The following STPG2 variants were observed in gnomAD, a reference collection of about 807,000 sequenced individuals.
STPG2 encodes sperm tail PG-rich repeat containing 2.
In STPG2, 56 loss-of-function variants were observed where a neutral mutation model predicts 54.2. That is an observed-to-expected ratio of 1.03 (90% CI 0.83 to 1.29). The LOEUF is 1.29. Among genes scored for constraint, STPG2 ranks in the 50% most tolerant of loss-of-function variants. The pLI is 0.00. For missense variants in STPG2, 596 were observed against 544.9 expected, an observed-to-expected ratio of 1.09 and a Z score of -0.93; for synonymous variants, 200 against 181.8, an observed-to-expected ratio of 1.10 and a Z score of -0.81.
chr4:97,746,036 T>C (rs1205116264), intron 9 of STPG2, among the ~76,000 whole-genome samples: 1 of 151,280 alleles, frequency 6.6e-6, no homozygotes, highest in Non-Finnish European at 1.5e-5. Flanking sequence ...CAATAGCTGA[T>C]TTCTGTGTAA....
chr4:97,459,430 GTTTTTTTTTGT>G lies in STPG2; in HGVS notation c.462+253258_462+253268del, dbSNP rs1430538621. Among the ~76,000 whole-genome samples the G allele has an allele frequency of 1.8e-3, 246 of 134,888 alleles. 1 individual carries two copies. The highest frequency in any genetic ancestry group is 6.6e-3 in the African/African-American group (237 of 35,898). The allele number at this position is 134,888 out of a possible 152,430, so 88.5% of individuals were successfully genotyped here. A position where few individuals can be genotyped will look rare whatever the true frequency, so the allele number is the denominator to read the frequency against. ...GTATCATGCAATTCAAAGGATGCCT[GTTTTTTTTTGT>G]TTTTTTTTTTTTTTTTGAGACAGAG... is the stretch of plus-strand genomic sequence containing the variant. On this transcript the variant is annotated intron_variant, in intron 4 of 4. Coordinates refer to the STPG2 transcript ENST00000522676.
chr4:97,739,306 A>G (rs1036401007), intron 9 of STPG2, among the ~76,000 whole-genome samples: 6 of 152,196 alleles, frequency 3.9e-5, no homozygotes, highest in Non-Finnish European at 7.3e-5. Flanking sequence ...TAAAAGAACT[A>G]GAAAAGCAAG....
chr4:97,540,567 TC>T (rs1399876561), intron 4 of STPG2, among the ~76,000 whole-genome samples: 4 of 152,144 alleles, frequency 2.6e-5, no homozygotes, highest in Non-Finnish European at 4.4e-5. Flanking sequence ...CTGGTACCAT[TC>T]CTTCTGAAAC....
At chr4:97,443,809 C>T (rs1729150383) in intron 4 of STPG2, among the ~76,000 whole-genome samples, 2 of 152,064 alleles carry the variant, frequency 1.3e-5, no homozygotes, top group African/African-American at 4.8e-5. Flanking sequence ...TTTGATCAAA[C>T]TTACTAGGCA....
intron 9 of STPG2, among the ~76,000 whole-genome samples, chr4:97,789,839 A>G (rs549041503): frequency 1.3e-5 from 2 of 152,252 alleles, no homozygotes; most frequent in South Asian, 4.1e-4. Flanking sequence ...TTACACTAAG[A>G]TACTGAACTT....
At chr4:97,918,543 A>G (rs1731973004) in intron 8 of STPG2, among the ~76,000 whole-genome samples, 1 of 151,730 alleles carries the variant, frequency 6.6e-6, no homozygotes, top group South Asian at 2.1e-4. Context: ...TTTAATTTTC[A>G]CCAGGAAATA....
At chr4:97,811,120 A>C (rs980483476) in intron 9 of STPG2, among the ~76,000 whole-genome samples, 2 of 152,186 alleles carry the variant, frequency 1.3e-5, no homozygotes, top group African/African-American at 4.8e-5. Flanking sequence ...ATTACTGTTC[A>C]AACAGGTTGT....
intron 9 of STPG2, among the ~76,000 whole-genome samples, chr4:97,797,219 A>G (rs1215019435): frequency 1.3e-5 from 2 of 152,160 alleles, no homozygotes; most frequent in Non-Finnish European, 2.9e-5. Flanking sequence ...AACTTCCAAC[A>G]CTATGTTGAA....
intron 7 of STPG2, among the ~76,000 whole-genome samples, chr4:97,954,686 A>T (rs1337496020): frequency 6.6e-6 from 1 of 152,256 alleles, no homozygotes; most frequent in Non-Finnish European, 1.5e-5. Flanking sequence ...TAATCAGCAC[A>T]GTTCATAATT....
At chr4:97,718,366 T>C (rs1724354198) in intron 9 of STPG2, among the ~76,000 whole-genome samples, 1 of 152,082 alleles carries the variant, frequency 6.6e-6, no homozygotes, top group Non-Finnish European at 1.5e-5. Context: ...TTGTAAGGTT[T>C]CTAAATATGT....
intron 5 of STPG2, among the ~76,000 whole-genome samples, chr4:98,079,257 T>C (rs553986529): frequency 1.2e-4 from 18 of 152,358 alleles, no homozygotes; most frequent in Admixed American, 1.0e-3. Context: ...CACACCATAG[T>C]AGGCAAATGT....
chr4:97,706,268 T>C (rs944829580), intron 10 of STPG2, among the ~76,000 whole-genome samples: 1 of 152,176 alleles, frequency 6.6e-6, no homozygotes, highest in Non-Finnish European at 1.5e-5. Context: ...ATATAGAGAC[T>C]AATGCCCTAA....
chr4:97,607,336 T>C (rs973726903), intron 10 of STPG2, among the ~76,000 whole-genome samples: 5 of 152,012 alleles, frequency 3.3e-5, no homozygotes, highest in East Asian at 1.9e-4. Flanking sequence ...CCCAGACTTA[T>C]ATAAGGAGCG....
chr4:97,467,817 G>T (rs147182756), intron 4 of STPG2, among the ~76,000 whole-genome samples: 484 of 151,322 alleles, frequency 3.2e-3, no homozygotes, highest in African/African-American at 0.011. Flanking sequence ...TAAGAATATG[G>T]CTGTTAGTTA....
intron 9 of STPG2, among the ~76,000 whole-genome samples, chr4:97,825,104 A>C (rs1728211387): frequency 6.6e-6 from 1 of 152,100 alleles, no homozygotes; most frequent in African/African-American, 2.4e-5. Flanking sequence ...TAACAGCCTG[A>C]GGCTCCTTGG....
intron 10 of STPG2, among the ~76,000 whole-genome samples, chr4:97,631,349 A>G (rs753313471): frequency 2.0e-5 from 3 of 152,036 alleles, no homozygotes; most frequent in Non-Finnish European, 4.4e-5. Flanking sequence ...ACTTAGAATC[A>G]TTTACCAAAT....
At chr4:97,772,599 T>C (rs1276777845) in intron 9 of STPG2, among the ~76,000 whole-genome samples, 2 of 152,174 alleles carry the variant, frequency 1.3e-5, no homozygotes, top group Non-Finnish European at 2.9e-5. Context: ...TGTCTTAGCT[T>C]CAAAACATTA....
At chr4:97,714,587 T>C (rs867692134) in intron 9 of STPG2, among the ~76,000 whole-genome samples, 3 of 152,186 alleles carry the variant, frequency 2.0e-5, no homozygotes, top group South Asian at 4.1e-4. Context: ...CATCTTACTA[T>C]AAAACAATAG....
At chr4:97,997,934 T>C (rs2149273607) in intron 5 of STPG2, among the ~76,000 whole-genome samples, 1 of 152,262 alleles carries the variant, frequency 6.6e-6, no homozygotes, top group East Asian at 1.9e-4. Context: ...ATGAAAAATT[T>C]TTTTAAAAGA....
Sources: gnomAD v4.1 joint callset for allele counts (sites outside exome capture counted in the v4.1 genomes callset) on GRCh38, gnomAD v4.1.1 for gene constraint, MANE v1.5 for transcripts, NCBI Gene and HGNC (gene_info 2026-07-23, HGNC 2026-07-21) for gene names.